Variants in ABCC5 observed in about 807,000 individuals in gnomAD.
ABCC5 encodes the protein ATP-binding cassette sub-family C member 5.
A neutral mutation model predicts 160.9 loss-of-function variants in ABCC5; 61 were observed. The observed-to-expected ratio is 0.38, with a 90% CI of 0.31 to 0.47. The LOEUF is 0.47. Ranked by LOEUF, ABCC5 falls within the 20% of genes least tolerant of loss-of-function variation. The pLI is 0.99. For synonymous variants in ABCC5, 666 were observed against 700.6 expected, an observed-to-expected ratio of 0.95 and a Z score of 0.78; for missense variants, 1,308 against 1,813.3, an observed-to-expected ratio of 0.72 and a Z score of 5.06.
At position 183,951,907 on chromosome 3, in the gene ABCC5, T is replaced by C. The variant is rs1327653672; in HGVS notation, c.2764A>G (p.Met922Val). The change falls in exon 19 of 30, where the codon ATG (methionine) becomes GTG (valine). Residue 922 changes from methionine (M) to valine (V), a missense_variant. Met to Val is a conservative substitution (Grantham distance 21). Transcript: ENST00000334444. The surrounding 1 kb of genome is among the most constrained non-coding windows in gnomAD (Gnocchi z 4.7). ...GCTTTCAGGATCAGCATGACTGCCA[T>C]GGAGAGGGCGTAGATGCTGGCATAG... Reference protein sequence around the residue: ...QYYASIYALSMAVMLILKAIR... With the variant: ...QYYASIYALSVAVMLILKAIR... 9 of 1,613,974 alleles carry C rather than the reference T, an allele frequency of 5.6e-6. No individual in the cohort carries two copies. The highest frequency in any genetic ancestry group is 2.7e-5 in the African/African-American group (2 of 74,940).
intron 5 of ABCC5, chr3:183,984,466 A>C: frequency 9.6e-7 from 1 of 1,040,216 alleles, no homozygotes; most frequent in Non-Finnish European, 1.2e-6. Flanking sequence ...CACGGTCTGG[A>C]GGTAGCTACG....
intron 24 of ABCC5, among the ~76,000 whole-genome samples, chr3:183,943,924 G>A (rs956747254): frequency 2.0e-5 from 3 of 152,194 alleles, no homozygotes; most frequent in Non-Finnish European, 2.9e-5. Context: ...TGAAAGAAGA[G>A]CTATTACTAG....
intron 10 of ABCC5, among the ~76,000 whole-genome samples, chr3:183,972,537 C>T (rs1298247216): frequency 2.0e-5 from 3 of 152,212 alleles, no homozygotes; most frequent in South Asian, 2.1e-4. Flanking sequence ...ACCAAAGGAA[C>T]AGGCTTGCAT....
intron 28 of ABCC5, 88 bp from the exon 29 acceptor site, chr3:183,925,807 A>T: frequency 7.7e-7 from 1 of 1,303,590 alleles, no homozygotes; most frequent in Non-Finnish European, 1.0e-6. Context: ...TATTTCATTT[A>T]AGTTTTACAC....
intron 25 of ABCC5, among the ~76,000 whole-genome samples, chr3:183,942,084 G>C (rs906375777): frequency 1.3e-5 from 2 of 151,986 alleles, no homozygotes; most frequent in African/African-American, 4.8e-5. Context: ...CTGTCACCCA[G>C]GTTGGAGTGT....
In ABCC5 at chr3:183,962,473, C is replaced by T. The variant is rs184606173; in HGVS notation, c.2236-819G>A. 1.7e-3 allele frequency among the ~76,000 whole-genome samples: 265 copies of T among 152,150 alleles called. 1 individual carries two copies. The highest frequency in any genetic ancestry group is 2.8e-3 in the Admixed American group (43 of 15,268). ...ATCAGTGGTGCCAACACTGAGAACCCCACTTCAGTGTATTGTGCCTCGTGA... is the reference window on the plus strand; with the variant it reads ...ATCAGTGGTGCCAACACTGAGAACCTCACTTCAGTGTATTGTGCCTCGTGA... On this transcript the variant is annotated intron_variant, in intron 15 of 29. Coordinates refer to ENST00000334444, the MANE Select transcript of ABCC5 (RefSeq NM_005688.4).
Position 183,963,154 on chromosome 3 carries a change from T to G in ABCC5, c.2235+231A>C, listed in dbSNP as rs569452077. Reference sequence around the variant, plus strand: ...GGCCTGCTCCTCTCAGCCCTTTTACTTGCTGATCTATATGCAGAAGCTGAT... The same window carrying G: ...GGCCTGCTCCTCTCAGCCCTTTTACGTGCTGATCTATATGCAGAAGCTGAT... On this transcript the variant is annotated intron_variant, in intron 15 of 29. Transcript: ENST00000334444. The surrounding 1 kb of genome is among the most constrained non-coding windows in gnomAD (Gnocchi z 4.6). 6.6e-6 allele frequency among the ~76,000 whole-genome samples: 1 copy of G among 152,354 alleles called. No homozygotes were observed. The highest frequency in any genetic ancestry group is 2.1e-4 in the South Asian group (1 of 4,832).
In ABCC5 at chr3:183,947,468, C is replaced by T. The variant is rs374387850; in HGVS notation, c.3270G>A (p.Leu1090=). The T allele has an allele frequency of 1.5e-5, 24 of 1,582,138 alleles. No individual in the cohort carries two copies. The Admixed American group carries it at 2.2e-4, about 14-fold the overall frequency. The part of the protein sequence containing the change: ...LLDDNQAPFF[L]FTCAMRWLAV... ...CCAGCCACCGCATCGCACACGTAAA[C>T]AAAAAAAAAGGAGCTTGGTTGTCAT... Residue 1090 remains leucine (L), a synonymous_variant, in exon 23 of 30, where the codon TTG becomes TTA. Transcript: ENST00000334444.
At chr3:183,981,015 G>C (rs1413769217) in intron 8 of ABCC5, among the ~76,000 whole-genome samples, 2 of 152,124 alleles carry the variant, frequency 1.3e-5, no homozygotes, top group African/African-American at 4.8e-5. Flanking sequence ...CGCCTGGCCT[G>C]AACACTGTAT....
intron 17 of ABCC5, among the ~76,000 whole-genome samples, chr3:183,956,903 A>C (rs56014927): frequency 1.8e-3 from 141 of 76,616 alleles, no homozygotes; most frequent in East Asian, 6.2e-3. Context: ...TATATCATAT[A>C]GGTTACATGC....
In ABCC5 at chr3:183,956,722, A is replaced by G. The variant is rs78282075; in HGVS notation, c.2482+3011T>C. Among the ~76,000 whole-genome samples the G allele has an allele frequency of 1.0e-3, 45 of 43,344 alleles. 2 individuals are homozygous for G. The highest frequency in any genetic ancestry group is 1.9e-3 in the South Asian group (2 of 1,046). The allele number at this position is 43,344 out of a possible 152,430, so 28.4% of individuals were successfully genotyped here. On this transcript the variant is annotated intron_variant, in intron 17 of 29. Coordinates refer to ENST00000334444, the MANE Select transcript of ABCC5 (RefSeq NM_005688.4). ...TGTGTATATCATATAGGTTACATGC[A>G]GATCCGTGTGTAAATCACATCGGTT...
At chr3:183,943,568 C>T (rs1345045317) in intron 24 of ABCC5, among the ~76,000 whole-genome samples, 4 of 152,184 alleles carry the variant, frequency 2.6e-5, no homozygotes, top group African/African-American at 9.7e-5. Flanking sequence ...TTATCATCAA[C>T]AATCATATCT....
At chr3:183,993,939 T>C (rs568948015) in intron 2 of ABCC5, among the ~76,000 whole-genome samples, 28 of 152,054 alleles carry the variant, frequency 1.8e-4, no homozygotes, top group African/African-American at 6.3e-4. Context: ...CACTACAAAT[T>C]TGTACTGGAA....
chr3:183,959,921 T>G, intron 16 of ABCC5, 86 bp from the exon 17 acceptor site: 1 of 900,392 alleles, frequency 1.1e-6, no homozygotes, highest in Non-Finnish European at 1.7e-6. Flanking sequence ...AATCATCAAT[T>G]AAACTGCTAT....
intron 2 of ABCC5, chr3:184,001,283 T>A: frequency 2.0e-6 from 1 of 492,770 alleles, no homozygotes; most frequent in South Asian, 3.9e-5. Context: ...TAAATTAATT[T>A]AAATAATATA....
chr3:183,978,706 T>C, intron 8 of ABCC5, 55 bp from the exon 9 acceptor site: 1 of 1,582,448 alleles, frequency 6.3e-7, no homozygotes, highest in Non-Finnish European at 8.6e-7. Flanking sequence ...CCTAGGGATG[T>C]TGTTCCTCCA....
chr3:183,996,936 G>C (rs2108888209), intron 2 of ABCC5, among the ~76,000 whole-genome samples: 1 of 152,224 alleles, frequency 6.6e-6, no homozygotes, highest in Middle Eastern at 3.4e-3. Flanking sequence ...GCCCAAGTCA[G>C]GAAAATGAAA....
At chr3:183,941,626 C>T (rs1255571519) in intron 25 of ABCC5, among the ~76,000 whole-genome samples, 3 of 150,994 alleles carry the variant, frequency 2.0e-5, no homozygotes, top group Non-Finnish European at 2.9e-5. Context: ...ACCTCTTATA[C>T]AAGGATAAAA....
chr3:183,999,215 T>A (rs180764449), intron 2 of ABCC5, among the ~76,000 whole-genome samples: 29 of 151,716 alleles, frequency 1.9e-4, no homozygotes, highest in Admixed American at 1.9e-3. Flanking sequence ...CTTCTCTTCC[T>A]CTCTAGGCTT....
Sources: allele counts gnomAD v4.1 joint callset (sites outside exome capture counted in the v4.1 genomes callset), GRCh38; gene constraint gnomAD v4.1.1; non-coding constraint Gnocchi (gnomAD v3.1); transcripts MANE v1.5; gene names NCBI Gene and HGNC (gene_info 2026-07-23, HGNC 2026-07-21).